Variants in WWP1 observed in about 807,000 individuals in gnomAD.
WWP1 encodes WW domain containing E3 ubiquitin protein ligase 1.
In WWP1, 49 loss-of-function variants were observed where a neutral mutation model predicts 130.6. The observed-to-expected ratio is 0.38, with a 90% confidence interval of 0.30 to 0.48. The LOEUF is 0.48. WWP1 is among the 20% of genes least tolerant of loss of function. The pLI is 0.99. For synonymous variants in WWP1, 332 were observed against 367.8 expected, an observed-to-expected ratio of 0.90 and a Z score of 1.11; for missense variants, 809 against 1,100.6, an observed-to-expected ratio of 0.74 and a Z score of 3.75.
intron 1 of WWP1, among the ~76,000 whole-genome samples, chr8:86,346,448 G>A (rs10097450): frequency 0.73 from 111,150 of 152,094 alleles, 41,468 homozygotes; most frequent in African/African-American, 0.83. Flanking sequence ...TATCTTCTCT[G>A]TTCATTTATA....
intron 22 of WWP1, among the ~76,000 whole-genome samples, chr8:86,459,023 C>CTTT (rs71275853): frequency 6.3e-4 from 53 of 84,258 alleles, no homozygotes; most frequent in South Asian, 1.5e-3. Context: ...TTTCTTTTTT[C>CTTT]TTTTTTTTTT....
chr8:86,463,641 C>A (rs879939334), intron 24 of WWP1, among the ~76,000 whole-genome samples: 1 of 148,664 alleles, frequency 6.7e-6, no homozygotes, highest in Non-Finnish European at 1.5e-5. Context: ...ATTTTTTTTT[C>A]TATTATATAA....
intron 9 of WWP1, among the ~76,000 whole-genome samples, chr8:86,422,904 A>T (rs971276457): frequency 2.6e-5 from 4 of 152,212 alleles, no homozygotes; most frequent in African/African-American, 9.6e-5. Context: ...GTGCACACAG[A>T]TGAAAGAATT....
At chr8:86,416,257 ACT>A (rs1428966075) in intron 9 of WWP1, among the ~76,000 whole-genome samples, 2 of 152,050 alleles carry the variant, frequency 1.3e-5, no homozygotes, top group Non-Finnish European at 2.9e-5. Flanking sequence ...AATGTAGAAA[ACT>A]CTTTCTGTGT....
At chr8:86,440,881 T>C in intron 17 of WWP1, 1 of 243,788 alleles carries the variant, frequency 4.1e-6, no homozygotes, top group Non-Finnish European at 8.2e-6. Context: ...TTGCTGCTTC[T>C]AATGTGATTT....
rs752079213 is a variant in WWP1 at position 86,468,412 on chromosome 8, T to G, written c.*1519T>G. The G allele has an allele frequency of 1.3e-4, 58 of 449,346 alleles. No individual in the cohort carries two copies. Among genetic ancestry groups the G allele is most frequent in the South Asian group, 9.0e-4 (56 of 62,200 alleles). The allele number at this position is 449,346 out of a possible 1,614,324, so 27.8% of individuals were successfully genotyped here. On this transcript the variant is annotated 3_prime_UTR_variant, in exon 25 of 25. Coordinates refer to ENST00000517970, the MANE Select transcript of WWP1 (RefSeq NM_007013.4). ...CAAATCCTTATTATGAACACTCTGG[T>G]AATTTTCAAGCCTAAAGAATTAAAA...
At chr8:86,370,035 G>A (rs527531369) in intron 2 of WWP1, among the ~76,000 whole-genome samples, 8 of 152,278 alleles carry the variant, frequency 5.3e-5, no homozygotes, top group African/African-American at 1.9e-4. Context: ...TTAAAGAGCT[G>A]TGAAAACCTC....
chr8:86,438,787 C>T (rs1810434377), intron 17 of WWP1, 114 bp downstream of exon 17: 1 of 830,836 alleles, frequency 1.2e-6, no homozygotes, highest in African/African-American at 1.7e-5. Flanking sequence ...ATTAACAATC[C>T]AGAATTTTTC....
intron 5 of WWP1, among the ~76,000 whole-genome samples, chr8:86,390,628 A>G (rs987492819): frequency 3.9e-5 from 6 of 151,986 alleles, no homozygotes; most frequent in Non-Finnish European, 8.8e-5. Flanking sequence ...GGTTGCAGTG[A>G]ACCGAGATGG....
intron 5 of WWP1, among the ~76,000 whole-genome samples, chr8:86,382,910 G>C (rs1825062761): frequency 6.6e-6 from 1 of 152,184 alleles, no homozygotes; most frequent in South Asian, 2.1e-4. Context: ...TAGGTTTGCT[G>C]AATGAAGTAA....
intron 2 of WWP1, among the ~76,000 whole-genome samples, chr8:86,372,255 C>T (rs1428374500): frequency 6.6e-6 from 1 of 151,846 alleles, no homozygotes; most frequent in Non-Finnish European, 1.5e-5. Flanking sequence ...ATCTCCTGAC[C>T]TCGTGATCCG....
intron 22 of WWP1, among the ~76,000 whole-genome samples, chr8:86,460,955 G>A (rs112864639): frequency 0.047 from 7,154 of 151,328 alleles, 241 homozygotes; most frequent in Non-Finnish European, 0.074. Flanking sequence ...GACTACAGGC[G>A]CCCGACACCA....
At chr8:86,463,389 C>A (rs888401995) in intron 24 of WWP1, among the ~76,000 whole-genome samples, 1 of 152,106 alleles carries the variant, frequency 6.6e-6, no homozygotes, top group Non-Finnish European at 1.5e-5. Context: ...TCACTGCAAC[C>A]TCTGCCTCCC....
chr8:86,423,854 C>T (rs1315737530), intron 9 of WWP1, among the ~76,000 whole-genome samples: 5 of 136,672 alleles, frequency 3.7e-5, no homozygotes, highest in Admixed American at 7.1e-5. Context: ...TGGGCAGAGG[C>T]GCCCCCCACC....
intron 1 of WWP1, among the ~76,000 whole-genome samples, chr8:86,366,541 C>G (rs1478040041): frequency 3.9e-5 from 6 of 152,246 alleles, no homozygotes; most frequent in Non-Finnish European, 8.8e-5. Flanking sequence ...TGATTTTGAG[C>G]CTTAGTGATG....
At chr8:86,382,518 G>A (rs1423745440) in intron 5 of WWP1, among the ~76,000 whole-genome samples, 1 of 152,140 alleles carries the variant, frequency 6.6e-6, no homozygotes, top group Non-Finnish European at 1.5e-5. Context: ...GACCAACATG[G>A]TGAAACCTCG....
intron 8 of WWP1, 126 bp downstream of exon 8, chr8:86,402,329 A>G: frequency 2.4e-6 from 3 of 1,226,140 alleles, no homozygotes; most frequent in Non-Finnish European, 3.3e-6. Flanking sequence ...TCTGTCACCC[A>G]GGCTGGAGTG....
Position 86,448,518 on chromosome 8 carries a change from G to C in WWP1, c.2273+5G>C, listed in dbSNP as rs770429800. 22 of 1,610,924 alleles carry C rather than the reference G, an allele frequency of 1.4e-5. No homozygotes were observed. The highest frequency in any genetic ancestry group is 1.7e-5 in the Non-Finnish European group (20 of 1,178,904). Reference sequence around the variant, plus strand: ...GAACAAAGATGAATATATTGGGTAAGGTGATATACCTTATTAAGCTTAATT... The same window carrying C: ...GAACAAAGATGAATATATTGGGTAACGTGATATACCTTATTAAGCTTAATT... On this transcript the variant is annotated splice_donor_5th_base_variant and intron_variant, in intron 20 of 24. Coordinates refer to ENST00000517970, the MANE Select transcript of WWP1 (RefSeq NM_007013.4).
At chr8:86,379,092 T>G (rs1214465049) in intron 3 of WWP1, among the ~76,000 whole-genome samples, 1 of 152,222 alleles carries the variant, frequency 6.6e-6, no homozygotes, top group Admixed American at 6.5e-5. Flanking sequence ...TCTTCCAGTC[T>G]TCTGCTATAT....
Sources: gnomAD v4.1 joint callset for allele counts (sites outside exome capture counted in the v4.1 genomes callset) on GRCh38, gnomAD v4.1.1 for gene constraint, MANE v1.5 for transcripts, NCBI Gene and HGNC (gene_info 2026-07-23, HGNC 2026-07-21) for gene names.